PIP5K1B: variants seen among roughly 807,000 people sequenced by gnomAD.
The protein encoded by PIP5K1B is phosphatidylinositol 4-phosphate 5-kinase type-1 beta.
PIP5K1B carries 42 observed loss-of-function variants against 67.0 expected under a neutral mutation model. The ratio of observed to expected loss-of-function variants is 0.63; its 90% CI spans 0.49 to 0.81. The LOEUF (loss-of-function observed/expected upper bound fraction) is 0.81, where lower values mean the gene tolerates loss of function less well. Among genes scored for constraint, PIP5K1B ranks in the 30% least tolerant of loss-of-function variants. PIP5K1B has a pLI of 0.00. For missense variants in PIP5K1B, 459 were observed against 646.3 expected (o/e 0.71, Z 3.14); for synonymous variants, 214 against 231.4 (o/e 0.92, Z 0.68).
chr9:68,856,049 T>G (rs1433213032), intron 4 of PIP5K1B, among the ~76,000 whole-genome samples: 1 of 152,166 alleles, frequency 6.6e-6, no homozygotes, highest in Non-Finnish European at 1.5e-5. Flanking sequence ...TAGCAGGGAA[T>G]CAATTCCTGC....
rs1399528345 is a variant in PIP5K1B at position 68,717,173 on chromosome 9, A to G, written c.-243+11411A>G. Among the ~76,000 whole-genome samples, 4 of 152,170 alleles carry G rather than the reference A, an allele frequency of 2.6e-5. No individual in the cohort carries two copies. In the East Asian group the frequency reaches 7.7e-4, roughly 29 times the overall value. On this transcript the variant is annotated intron_variant, in intron 1 of 15. Transcript: ENST00000265382. ...GGGTGATGGGTTCAATTGAAGCCCA[A>G]TCCTCAACATCATGCAATATATCCA...
intron 15 of PIP5K1B, among the ~76,000 whole-genome samples, chr9:68,994,550 T>TAA (rs1384297247): frequency 6.6e-6 from 1 of 152,200 alleles, no homozygotes; most frequent in African/African-American, 2.4e-5. Flanking sequence ...TTGATATATA[T>TAA]AACACATCAT....
At chr9:68,857,246 G>A (rs1307234857) in intron 4 of PIP5K1B, among the ~76,000 whole-genome samples, 2 of 152,192 alleles carry the variant, frequency 1.3e-5, no homozygotes, top group African/African-American at 2.4e-5. Flanking sequence ...CACTAAGCTT[G>A]TAGTAATTTA....
chr9:68,737,542 T>G (rs1336730243), intron 1 of PIP5K1B, among the ~76,000 whole-genome samples: 1 of 152,220 alleles, frequency 6.6e-6, no homozygotes, highest in Non-Finnish European at 1.5e-5. Flanking sequence ...GTAATTTGAA[T>G]GCATTTACCT....
intron 2 of PIP5K1B, among the ~76,000 whole-genome samples, chr9:68,746,186 C>T (rs928472666): frequency 6.7e-6 from 1 of 149,526 alleles, no homozygotes; most frequent in Non-Finnish European, 1.5e-5. Flanking sequence ...TCATGCTACT[C>T]TTGTGCCTCA....
intron 8 of PIP5K1B, among the ~76,000 whole-genome samples, chr9:68,897,729 C>G (rs1353394157): frequency 6.6e-6 from 1 of 152,136 alleles, no homozygotes; most frequent in Non-Finnish European, 1.5e-5. Flanking sequence ...CCTTTGGACC[C>G]CAGCTTCTTT....
In PIP5K1B at chr9:68,814,470, A is replaced by G. The variant is rs559088641; in HGVS notation, c.-85-3991A>G. Among the ~76,000 whole-genome samples, 6 of 152,340 alleles carry G rather than the reference A, an allele frequency of 3.9e-5. No individual in the cohort carries two copies. In the East Asian group the frequency reaches 9.6e-4, roughly 24 times the overall value. On this transcript the variant is annotated intron_variant, in intron 2 of 15. Transcript: ENST00000265382. ...TATAAGGCAAAAAAATGAAGTAGAC[A>G]TACAGGAGAACATGGCAAAACTATA...
At chr9:68,957,242 A>T (rs1000519036) in intron 14 of PIP5K1B, among the ~76,000 whole-genome samples, 7 of 152,102 alleles carry the variant, frequency 4.6e-5, no homozygotes, top group Admixed American at 4.6e-4. Context: ...AAGAAAAAAA[A>T]AAAGGTGGGG....
chr9:68,717,848 TTTCATGAAACAGTAC>T (rs2132254308), intron 1 of PIP5K1B, among the ~76,000 whole-genome samples: 1 of 152,058 alleles, frequency 6.6e-6, no homozygotes, highest in East Asian at 1.9e-4. Context: ...GAAATAAAGG[TTTCATGAAACAGTAC>T]TTAGCCATAC....
At chr9:68,708,400 C>T (rs1211631518) in intron 1 of PIP5K1B, among the ~76,000 whole-genome samples, 3 of 152,260 alleles carry the variant, frequency 2.0e-5, no homozygotes, top group Non-Finnish European at 4.4e-5. Flanking sequence ...AGATAATTTG[C>T]CTACAGGCAT....
At chr9:68,956,198 AG>A (rs1366003797) in intron 14 of PIP5K1B, among the ~76,000 whole-genome samples, 1 of 152,202 alleles carries the variant, frequency 6.6e-6, no homozygotes, top group Non-Finnish European at 1.5e-5. Context: ...AGGCCGGGCA[AG>A]GTGGCTCATG....
At chr9:68,929,186 A>G (rs1378354672) in intron 12 of PIP5K1B, among the ~76,000 whole-genome samples, 3 of 127,342 alleles carry the variant, frequency 2.4e-5, no homozygotes, top group East Asian at 4.7e-4. Context: ...AAAAAAAAAA[A>G]GTAAGGTGAC....
intron 14 of PIP5K1B, among the ~76,000 whole-genome samples, chr9:68,967,051 C>A (rs1252849122): frequency 6.6e-6 from 1 of 152,148 alleles, no homozygotes; most frequent in Non-Finnish European, 1.5e-5. Context: ...TGAATATGTA[C>A]AATTTTGAAT....
At chr9:68,734,064 G>A (rs745492667) in intron 1 of PIP5K1B, among the ~76,000 whole-genome samples, 3 of 152,188 alleles carry the variant, frequency 2.0e-5, no homozygotes, top group Admixed American at 6.5e-5. Context: ...GCAACCCCAC[G>A]AAAGTCACTT....
rs115187880 is a variant in PIP5K1B, at chr9:68,756,495, A to G, written c.-86+13838A>G. Among the ~76,000 whole-genome samples the G allele has an allele frequency of 4.9e-3, 752 of 152,338 alleles. 8 individuals are homozygous for G. Among genetic ancestry groups the G allele is most frequent in the African/African-American group, 0.017 (694 of 41,580 alleles). On this transcript the variant is annotated intron_variant, in intron 2 of 15. Transcript: ENST00000265382. ...AACAAACAAAGATAGTATTGCAGAG[A>G]GTAATTTTGAACATCTTTTTGTCCT...
chr9:68,831,276 C>A (rs1247430326), intron 4 of PIP5K1B, among the ~76,000 whole-genome samples: 5 of 152,178 alleles, frequency 3.3e-5, no homozygotes, highest in African/African-American at 1.2e-4. Context: ...CAATCAAAAG[C>A]AATTTTAAAA....
At chr9:68,723,095 C>T (rs1005463152) in intron 1 of PIP5K1B, among the ~76,000 whole-genome samples, 15 of 152,082 alleles carry the variant, frequency 9.9e-5, no homozygotes, top group African/African-American at 2.7e-4. Context: ...TAATGACTTC[C>T]GGTTTCCACC....
intron 2 of PIP5K1B, among the ~76,000 whole-genome samples, chr9:68,811,801 C>T (rs1403682026): frequency 6.6e-5 from 10 of 152,198 alleles, no homozygotes. Context: ...TCTGTTTTCC[C>T]TAATAGACCC....
At chr9:68,989,492 G>A (rs905594511) in intron 14 of PIP5K1B, among the ~76,000 whole-genome samples, 7 of 151,878 alleles carry the variant, frequency 4.6e-5, no homozygotes, top group Admixed American at 3.9e-4. Context: ...CATGGCCAAT[G>A]GCCAGCCTTC....
Sources: allele counts gnomAD v4.1 joint callset (sites outside exome capture counted in the v4.1 genomes callset), GRCh38; gene constraint gnomAD v4.1.1; transcripts MANE v1.5; gene names NCBI Gene and HGNC (gene_info 2026-07-23, HGNC 2026-07-21).